Variants in CCNY observed in about 807,000 individuals in gnomAD.
CCNY encodes the protein cyclin Y.
CCNY carries 19 observed loss-of-function variants against 42.8 expected under a neutral mutation model. That is an observed-to-expected ratio of 0.44 (90% CI 0.31 to 0.65). The LOEUF (loss-of-function observed/expected upper bound fraction) is 0.65, where lower values mean the gene tolerates loss of function less well. Ranked by LOEUF, CCNY falls within the 30% of genes least tolerant of loss-of-function variation. The pLI is 0.07. For synonymous variants in CCNY, 165 were observed against 162.7 expected (o/e 1.01, Z -0.11); for missense variants, 370 against 437.3 (o/e 0.85, Z 1.37).
chr10:35,442,062 C>CAT (rs1263102851), intron 1 of CCNY, among the ~76,000 whole-genome samples: 1 of 152,144 alleles, frequency 6.6e-6, no homozygotes, highest in Non-Finnish European at 1.5e-5. Flanking sequence ...TAAATAATAG[C>CAT]TTAAAAGTCC....
upstream of CCNY, among the ~76,000 whole-genome samples, chr10:35,331,546 A>C (rs1835944421): frequency 6.6e-6 from 1 of 152,128 alleles, no homozygotes; most frequent in African/African-American, 2.4e-5. Flanking sequence ...CTTAGGAAAA[A>C]ATATGGGGCA....
intron 1 of CCNY, among the ~76,000 whole-genome samples, chr10:35,373,502 A>G (rs557727539): frequency 6.6e-6 from 1 of 152,266 alleles, no homozygotes; most frequent in South Asian, 2.1e-4. Context: ...GTCTATATAT[A>G]TAGTAAAGAG....
intron 1 of CCNY, among the ~76,000 whole-genome samples, chr10:35,363,590 C>G (rs1485628089): frequency 6.6e-6 from 1 of 152,178 alleles, no homozygotes. Context: ...AAGACTGAAT[C>G]AGTGAGATCA....
chr10:35,488,926 A>G (rs986516174), intron 2 of CCNY, among the ~76,000 whole-genome samples: 2 of 152,234 alleles, frequency 1.3e-5, no homozygotes, highest in South Asian at 2.1e-4. Flanking sequence ...ATGTTATACT[A>G]GTATAATGTA....
intron 5 of CCNY, among the ~76,000 whole-genome samples, chr10:35,528,201 C>G (rs1387872913): frequency 6.6e-6 from 1 of 152,074 alleles, no homozygotes; most frequent in Non-Finnish European, 1.5e-5. Context: ...TATTTGAAAA[C>G]TCAGTAAATA....
intron 1 of CCNY, among the ~76,000 whole-genome samples, chr10:35,445,747 A>T (rs1278490646): frequency 6.6e-6 from 1 of 152,210 alleles, no homozygotes; most frequent in East Asian, 1.9e-4. Context: ...TATCTTAAAT[A>T]ATCCTTTTAT....
rs1020883731 is a variant in CCNY at position 35,353,993 on chromosome 10, T to G, written c.154+16786T>G. 7.2e-5 allele frequency among the ~76,000 whole-genome samples: 11 copies of G among 152,184 alleles called. No individual in the cohort carries two copies. The South Asian group carries it at 1.0e-3, about 14-fold the overall frequency. ...GGCTGTAGTCAACTCATGGCTCAAC[T>G]AGGGGAACTGCCTCCAGGCTCACTT... On this transcript the variant is annotated intron_variant, in intron 1 of 9. Transcript: ENST00000374704.
At chr10:35,437,818 C>G (rs1838572918) in intron 1 of CCNY, among the ~76,000 whole-genome samples, 1 of 152,102 alleles carries the variant, frequency 6.6e-6, no homozygotes, top group South Asian at 2.1e-4. Flanking sequence ...TTACTGTTTC[C>G]CCTTAGCTTT....
intron 3 of CCNY, among the ~76,000 whole-genome samples, chr10:35,258,799 G>T (rs2095717330): frequency 6.6e-6 from 1 of 152,108 alleles, no homozygotes; most frequent in African/African-American, 2.4e-5. Flanking sequence ...AGCTGAGTGT[G>T]GTGGCATGAG....
intron 7 of CCNY, among the ~76,000 whole-genome samples, chr10:35,534,637 A>C (rs1840842798): frequency 6.6e-6 from 1 of 152,094 alleles, no homozygotes; most frequent in South Asian, 2.1e-4. Flanking sequence ...ATTTAAAGTG[A>C]GCATTTTAGT....
intron 4 of CCNY, among the ~76,000 whole-genome samples, chr10:35,523,660 C>T (rs965250889): frequency 5.3e-5 from 8 of 152,182 alleles, no homozygotes; most frequent in East Asian, 1.9e-4. Context: ...TGAAGATTCT[C>T]GCCCATTCGG....
At chr10:35,477,846 T>A (rs1017697435) in intron 1 of CCNY, among the ~76,000 whole-genome samples, 11 of 151,538 alleles carry the variant, frequency 7.3e-5, no homozygotes, top group African/African-American at 2.7e-4. Flanking sequence ...GGAAGTCAAA[T>A]TGTCCCTGTT....
chr10:35,277,062 C>A (rs1565061481), intron 3 of CCNY, among the ~76,000 whole-genome samples: 1 of 152,244 alleles, frequency 6.6e-6, no homozygotes, highest in South Asian at 2.1e-4. Context: ...TAGCTCCTGA[C>A]AGCAGGACTC....
intron 3 of CCNY, among the ~76,000 whole-genome samples, chr10:35,325,824 A>G (rs1182335648): frequency 6.6e-6 from 1 of 152,054 alleles, no homozygotes; most frequent in East Asian, 1.9e-4. Context: ...CATGCCTGTA[A>G]TCCCAAAACT....
intron 4 of CCNY, among the ~76,000 whole-genome samples, chr10:35,518,162 G>A (rs1840468208): frequency 6.6e-6 from 1 of 152,228 alleles, no homozygotes; most frequent in South Asian, 2.1e-4. Context: ...CACTGGCTGT[G>A]ACACAGACAC....
chr10:35,379,063 G>T (rs1342622660), intron 1 of CCNY, among the ~76,000 whole-genome samples: 1 of 152,202 alleles, frequency 6.6e-6, no homozygotes, highest in East Asian at 1.9e-4. Context: ...TGTTGCCACT[G>T]TACAGAGGTG....
rs1253991013 is a variant in CCNY at position 35,553,015 on chromosome 10, C to A, written c.580-4C>A. 5 of 1,612,750 alleles carry A rather than the reference C, an allele frequency of 3.1e-6. No homozygotes were observed. Among genetic ancestry groups the A allele is most frequent in the Non-Finnish European group, 4.2e-6 (5 of 1,179,032 alleles). On this transcript the variant is annotated splice_polypyrimidine_tract_variant and splice_region_variant and intron_variant, in intron 7 of 9. Transcript: ENST00000374704. ...TTAGCTCTGGCATTGTCTTGTCTTC[C>A]CAGGTGTACCTTGAAAGACTTTTAA...
intron 3 of CCNY, among the ~76,000 whole-genome samples, chr10:35,307,187 G>A (rs147873183): frequency 1.3e-5 from 2 of 152,232 alleles, no homozygotes; most frequent in East Asian, 1.9e-4. Flanking sequence ...GCTGTGGTGC[G>A]GGTTAAGCGA....
chr10:35,322,739 C>T (rs942130489), intron 3 of CCNY, among the ~76,000 whole-genome samples: 7 of 152,258 alleles, frequency 4.6e-5, no homozygotes, highest in Non-Finnish European at 8.8e-5. Flanking sequence ...AAAAATATGT[C>T]AACATCATTA....
Sources: gnomAD v4.1 joint callset for allele counts (sites outside exome capture counted in the v4.1 genomes callset) on GRCh38, gnomAD v4.1.1 for gene constraint, MANE v1.5 for transcripts, NCBI Gene and HGNC (gene_info 2026-07-23, HGNC 2026-07-21) for gene names.